Variants in TDP1 observed in about 807,000 individuals in gnomAD.
TDP1 encodes the protein tyrosyl-DNA phosphodiesterase 1, also known as tyr-DNA phosphodiesterase 1.
A neutral mutation model predicts 81.5 loss-of-function variants in TDP1; 64 were observed. The ratio of observed to expected loss-of-function variants is 0.79; its 90% CI spans 0.64 to 0.97. The LOEUF (loss-of-function observed/expected upper bound fraction) is 0.97. TDP1 is among the 50% of genes least tolerant of loss of function. The pLI, the probability that TDP1 is intolerant of heterozygous loss-of-function variation, is 0.00. For synonymous variants in TDP1, 256 were observed against 264.3 expected, an observed-to-expected ratio of 0.97 and a Z score of 0.30; for missense variants, 723 against 743.8, an observed-to-expected ratio of 0.97 and a Z score of 0.33.
intron 7 of TDP1, among the ~76,000 whole-genome samples, chr14:89,979,295 G>C (rs756182853): frequency 6.6e-6 from 1 of 151,974 alleles, no homozygotes; most frequent in Admixed American, 6.6e-5. Context: ...ACAGGTGAGA[G>C]TGTTTCACAT....
chr14:89,998,408 A>G (rs868843899), intron 14 of TDP1, among the ~76,000 whole-genome samples: 5,546 of 107,216 alleles, frequency 0.052, 560 homozygotes, highest in African/African-American at 0.15. Context: ...ATATATATAT[A>G]TATATATATA....
chr14:90,023,010 C>T (rs781759907), intron 15 of TDP1: 1 of 760,092 alleles, frequency 1.3e-6, no homozygotes. Context: ...CCCACACATA[C>T]CCTGTGCCTG....
intron 4 of TDP1, chr14:89,967,101 T>C (rs1893030822): frequency 1.0e-6 from 1 of 985,266 alleles, no homozygotes; most frequent in Non-Finnish European, 1.2e-6. Context: ...TGCGGACAAG[T>C]ACAGATGCTG....
At chr14:90,042,642 A>G (rs1410822752) in intron 16 of TDP1, among the ~76,000 whole-genome samples, 1 of 152,208 alleles carries the variant, frequency 6.6e-6, no homozygotes, top group Non-Finnish European at 1.5e-5. Flanking sequence ...AGCAAGACAC[A>G]TCTTACATGG....
At chr14:89,966,734 G>A (rs1387737440) in intron 4 of TDP1, among the ~76,000 whole-genome samples, 1 of 152,222 alleles carries the variant, frequency 6.6e-6, no homozygotes, top group African/African-American at 2.4e-5. Flanking sequence ...GTTTGGCATT[G>A]AAAGTCCTGG....
chr14:90,022,082 C>T (rs181270404), intron 15 of TDP1, among the ~76,000 whole-genome samples: 325 of 152,312 alleles, frequency 2.1e-3, no homozygotes, highest in Middle Eastern at 6.8e-3. Context: ...TACCCTTCCC[C>T]TCCCAGGGAG....
Position 89,980,603 on chromosome 14 carries a change from C to A in TDP1, c.855C>A (p.Ile285=). ...LRVVIHTSNL[I]HADWHQKTQG... ...TTGTCATACACACCTCCAACCTCAT[C>A]CATGCTGACTGGCACCAGAAAACTC... The change falls in exon 8 of 17, where the codon ATC becomes ATA. Residue 285 remains isoleucine (I), a synonymous_variant. Coordinates refer to ENST00000335725, the MANE Select transcript of TDP1 (RefSeq NM_018319.4). 3 of 1,614,190 alleles carry A rather than the reference C, an allele frequency of 1.9e-6. No individual in the cohort carries two copies. Among genetic ancestry groups the A allele is most frequent in the Non-Finnish European group, 2.5e-6 (3 of 1,180,016 alleles).
At chr14:90,024,684 C>T (rs995487364) in intron 15 of TDP1, among the ~76,000 whole-genome samples, 13 of 152,144 alleles carry the variant, frequency 8.5e-5, no homozygotes, top group East Asian at 3.8e-4. Context: ...AATACACATA[C>T]GCTTAGGAGT....
Position 89,962,892 on chromosome 14 carries a change from A to G in TDP1, c.-7-216A>G, listed in dbSNP as rs1311738422. ...CTGTTTCAAAAAAAAAAAGGAAGAA[A>G]AAAGAAAGGTGACCAGGACTTTTGC... On this transcript the variant is annotated intron_variant, in intron 2 of 16. Coordinates refer to ENST00000335725, the MANE Select transcript of TDP1 (RefSeq NM_018319.4). 4 of 985,010 alleles carry G rather than the reference A, an allele frequency of 4.1e-6. No homozygotes were observed. The African/African-American group carries it at 7.0e-5, about 17-fold the overall frequency. The allele number at this position is 985,010 out of a possible 1,614,324, so 61.0% of individuals were successfully genotyped here.
chr14:89,987,581 C>A (rs2140110256), intron 10 of TDP1, among the ~76,000 whole-genome samples: 1 of 152,256 alleles, frequency 6.6e-6, no homozygotes, highest in East Asian at 1.9e-4. Context: ...CTCTACCAGG[C>A]AGTCCATTTG....
chr14:89,988,653 T>A (rs1895835490), intron 10 of TDP1: 22 of 981,526 alleles, frequency 2.2e-5, no homozygotes, highest in Non-Finnish European at 2.5e-5. Context: ...CTGTTTTTGC[T>A]TTTAGTACAA....
intron 16 of TDP1, among the ~76,000 whole-genome samples, chr14:90,037,335 A>C (rs1372116601): frequency 6.6e-6 from 1 of 152,200 alleles, no homozygotes; most frequent in Admixed American, 6.5e-5. Context: ...GTGAAGAAGT[A>C]ATGAGCTAAG....
At chr14:89,997,583 C>T (rs959652309) in intron 14 of TDP1, among the ~76,000 whole-genome samples, 3 of 152,138 alleles carry the variant, frequency 2.0e-5, no homozygotes, top group Admixed American at 6.5e-5. Flanking sequence ...TTGGTTAGTA[C>T]TGATTGTTAA....
chr14:89,979,104 T>C (rs754006732), intron 7 of TDP1, among the ~76,000 whole-genome samples: 29 of 152,134 alleles, frequency 1.9e-4, no homozygotes, highest in Non-Finnish European at 3.4e-4. Context: ...TTGGCCTCAA[T>C]AGAAATGATA....
intron 15 of TDP1, 32 bp downstream of exon 15, chr14:90,019,450 C>A: frequency 8.7e-7 from 1 of 1,150,472 alleles, no homozygotes; most frequent in Non-Finnish European, 1.3e-6. Flanking sequence ...CACAGTGGGT[C>A]ACATGGGAGA....
rs563163035 is a variant in TDP1 at position 89,982,269 on chromosome 14, C to T, written c.884+1637C>T. Among the ~76,000 whole-genome samples the T allele has an allele frequency of 2.4e-3, 369 of 152,186 alleles. 1 individual carries two copies. Among genetic ancestry groups the T allele is most frequent in the Admixed American group, 4.1e-3 (63 of 15,286 alleles). ...AAAATGAAGTGTGGCTCTGACTGGTCCAGGGTTGAGGGGATAGCTGCTTGG... is the reference window on the plus strand; with the variant it reads ...AAAATGAAGTGTGGCTCTGACTGGTTCAGGGTTGAGGGGATAGCTGCTTGG... On this transcript the variant is annotated intron_variant, in intron 8 of 16. Coordinates refer to ENST00000335725, the MANE Select transcript of TDP1 (RefSeq NM_018319.4).
At position 90,043,556 on chromosome 14, in the gene TDP1, T is replaced by C. The variant is rs928276528; in HGVS notation, c.*413T>C. 2 of 254,852 alleles carry C rather than the reference T, an allele frequency of 7.8e-6. No individual in the cohort carries two copies. Among genetic ancestry groups the C allele is most frequent in the African/African-American group, 4.5e-5 (2 of 44,374 alleles). 15.8% of individuals were successfully genotyped at this position (254,852 alleles called of 1,614,324 possible). ...ATTCATTTATGTTTCATATACACCT[T>C]ATATACAATAACCTAAAGGTGATTT... On this transcript the variant is annotated 3_prime_UTR_variant, in exon 17 of 17. Coordinates refer to ENST00000335725, the MANE Select transcript of TDP1 (RefSeq NM_018319.4).
intron 15 of TDP1, chr14:90,023,069 C>T (rs766218605): frequency 1.7e-5 from 13 of 762,128 alleles, no homozygotes; most frequent in South Asian, 4.1e-5. Flanking sequence ...GTGGAGGCTT[C>T]GTTCTCTGGT....
intron 6 of TDP1, among the ~76,000 whole-genome samples, chr14:89,971,839 T>A (rs1287340573): frequency 6.6e-6 from 1 of 152,146 alleles, no homozygotes; most frequent in Non-Finnish European, 1.5e-5. Context: ...AAACTTGTAG[T>A]TTTTTGTGAC....
Sources: gnomAD v4.1 joint callset for allele counts (sites outside exome capture counted in the v4.1 genomes callset) on GRCh38, gnomAD v4.1.1 for gene constraint, MANE v1.5 for transcripts, NCBI Gene and HGNC (gene_info 2026-07-23, HGNC 2026-07-21) for gene names.